The following NECAB2 variants were observed in gnomAD, a reference collection of about 807,000 sequenced individuals.
NECAB2 encodes N-terminal EF-hand calcium-binding protein 2.
NECAB2 carries 68 observed loss-of-function variants against 51.9 expected under a neutral mutation model. The observed-to-expected ratio is 1.31, with a 90% CI of 1.08 to 1.60. The LOEUF (loss-of-function observed/expected upper bound fraction) is 1.60, where lower values mean the gene tolerates loss of function less well. Ranked by LOEUF, NECAB2 falls within the 40% of genes most tolerant of loss-of-function variation. The probability of loss-of-function intolerance (pLI) is 0.00; values close to 1 mark genes in which losing one functional copy is unlikely to be tolerated. For missense variants in NECAB2, 854 were observed against 490.3 expected, an observed-to-expected ratio of 1.74 and a Z score of -7.00; for synonymous variants, 329 against 203.5, an observed-to-expected ratio of 1.62 and a Z score of -5.25.
chr16:83,978,840 G>A (rs1252443960), intron 3 of NECAB2, among the ~76,000 whole-genome samples: 1 of 151,970 alleles, frequency 6.6e-6, no homozygotes, highest in African/African-American at 2.4e-5. Flanking sequence ...TGGGAAGGTG[G>A]CAATGACTTC....
chr16:83,981,265 T>C (rs1597205670), intron 5 of NECAB2, 138 bp downstream of exon 5: 8 of 701,948 alleles, frequency 1.1e-5, no homozygotes, highest in South Asian at 6.9e-5. Context: ...CTGGGCCTCT[T>C]TGAAGCAGCT....
intron 6 of NECAB2, among the ~76,000 whole-genome samples, chr16:83,992,732 A>G (rs2084642508): frequency 6.6e-6 from 1 of 152,146 alleles, no homozygotes; most frequent in Non-Finnish European, 1.5e-5. Flanking sequence ...ATTAAAATAC[A>G]CATTCCTGGG....
intron 2 of NECAB2, among the ~76,000 whole-genome samples, chr16:83,976,375 A>G (rs1054515352): frequency 6.6e-6 from 1 of 152,196 alleles, no homozygotes; most frequent in Admixed American, 6.5e-5. Flanking sequence ...TCTAACATGG[A>G]AGTGGTAGTA....
Position 84,000,801 on chromosome 16 carries a change from G to C in NECAB2, c.1040G>C (p.Arg347Thr), listed in dbSNP as rs1436304850. 4 of 1,613,524 alleles carry C rather than the reference G, an allele frequency of 2.5e-6. No individual in the cohort carries two copies. The highest frequency in any genetic ancestry group is 1.7e-5 in the Admixed American group (1 of 60,018). The change falls in exon 11 of 13, where the codon AGG (arginine) becomes ACG (threonine). Residue 347 changes from arginine to threonine, a missense_variant and splice_region_variant. Coordinates refer to ENST00000305202, the MANE Select transcript of NECAB2 (RefSeq NM_019065.3). ...EFWETEEAWK[R>T]HLQSPLCKAF... ...TGGGAGACAGAGGAGGCGTGGAAGA[G>C]GTGAGATGCTGGGTCCCCACAGCAG...
Position 83,994,631 on chromosome 16 carries a change from G to A in NECAB2, c.738G>A (p.Glu246=), listed in dbSNP as rs770061121. ...CAGCCACGGAGGATGCAAAGGAAGA[G>A]GGTCTGGAAGCCCAGATCAGCCGCT... The part of the protein sequence containing the change: ...LPSATEDAKE[E]GLEAQISRLA... The change falls in exon 8 of 13, where the codon GAG becomes GAA. Residue 246 remains glutamate (E), a synonymous_variant. Coordinates refer to ENST00000305202, the MANE Select transcript of NECAB2 (RefSeq NM_019065.3). 1 of 1,614,162 alleles carries A rather than the reference G, an allele frequency of 6.2e-7. No homozygotes were observed. Among genetic ancestry groups the A allele is most frequent in the Non-Finnish European group, 8.5e-7 (1 of 1,180,046 alleles).
chr16:83,999,731 TGCAGCCCCTTCCTCTGTGGCCCA>T (rs900914935), intron 10 of NECAB2, among the ~76,000 whole-genome samples: 8 of 152,208 alleles, frequency 5.3e-5, no homozygotes, highest in South Asian at 2.1e-4. Flanking sequence ...GGGACTTGCC[TGCAGCCCCTTCCTCTGTGGCCCA>T]GCACCCCCTC....
intron 5 of NECAB2, among the ~76,000 whole-genome samples, chr16:83,989,726 C>G (rs1170608108): frequency 6.6e-6 from 1 of 152,210 alleles, no homozygotes; most frequent in Non-Finnish European, 1.5e-5. Context: ...AGCATCTCCA[C>G]TGGATCCAAA....
At chr16:83,984,859 G>A (rs1204220721) in intron 5 of NECAB2, among the ~76,000 whole-genome samples, 1 of 152,062 alleles carries the variant, frequency 6.6e-6, no homozygotes, top group Non-Finnish European at 1.5e-5. Flanking sequence ...CAAGCTCCTG[G>A]CACATTTATT....
Position 83,998,300 on chromosome 16 carries a change from C to T in NECAB2, c.945C>T (p.Gly315=), listed in dbSNP as rs35389907. ...SLRQYLRGTT[G]VRNCFHITAV... The stretch of plus-strand genomic sequence containing the variant: ...GCCAGTATCTGCGGGGGACCACTGG[C>T]GTGAGGAACTGCTTCCAGTGAGTGA... Residue 315 remains glycine, a synonymous_variant, in exon 10 of 13, where the codon GGC becomes GGT. Transcript: ENST00000305202. 4.1e-3 allele frequency: 6,549 copies of T among 1,613,420 alleles called. 27 individuals are homozygous for T. The highest frequency in any genetic ancestry group is 0.012 in the African/African-American group (922 of 75,006).
chr16:83,969,457 C>A (rs2151082957), intron 1 of NECAB2, among the ~76,000 whole-genome samples: 1 of 152,176 alleles, frequency 6.6e-6, no homozygotes, highest in Non-Finnish European at 1.5e-5. Context: ...TGAGCTGGTA[C>A]CCCTCTGGTC....
chr16:83,976,349 C>T (rs1440022979), intron 2 of NECAB2, among the ~76,000 whole-genome samples: 1 of 152,208 alleles, frequency 6.6e-6, no homozygotes, highest in Non-Finnish European at 1.5e-5. Flanking sequence ...GGGCTCTGTG[C>T]CTCAGTTTAC....
rs140134863 is a variant in NECAB2, at chr16:84,000,777, G to A, written c.1016G>A (p.Trp339Ter). The A allele has an allele frequency of 3.1e-6, 5 of 1,613,610 alleles. No individual in the cohort carries two copies. Among genetic ancestry groups the A allele is most frequent in the Non-Finnish European group, 4.2e-6 (5 of 1,179,964 alleles). The change falls in exon 11 of 13, where the codon TGG becomes TAG. Residue 339 changes from tryptophan to a stop codon, truncating the protein, a stop_gained. Coordinates refer to ENST00000305202, the MANE Select transcript of NECAB2 (RefSeq NM_019065.3). LOFTEE classifies it high-confidence loss of function. Reference sequence around the variant, plus strand: ...TTCACCTTTGTCATCTATGAGTTCTGGGAGACAGAGGAGGCGTGGAAGAGG... The same window carrying A: ...TTCACCTTTGTCATCTATGAGTTCTAGGAGACAGAGGAGGCGTGGAAGAGG... ...DGFTFVIYEF[W>*]ETEEAWKRHL...
intron 6 of NECAB2, 40 bp downstream of exon 6, chr16:83,990,670 CCGTGCA>C (rs2084612114): frequency 6.2e-7 from 1 of 1,608,248 alleles, no homozygotes; most frequent in East Asian, 2.2e-5. Flanking sequence ...TGGGGGTATG[CCGTGCA>C]CGCGCACGTG....
chr16:83,988,494 C>G (rs887602080), intron 5 of NECAB2, among the ~76,000 whole-genome samples: 4 of 152,156 alleles, frequency 2.6e-5, no homozygotes, highest in Admixed American at 6.5e-5. Flanking sequence ...TTGACTAAAT[C>G]CAATATAGTT....
At chr16:83,972,354 A>T (rs1017057536) in intron 2 of NECAB2, among the ~76,000 whole-genome samples, 179 bp downstream of exon 2, 1 of 152,154 alleles carries the variant, frequency 6.6e-6, no homozygotes, top group Non-Finnish European at 1.5e-5. Flanking sequence ...CTGTCTGTAA[A>T]ACGGGAATCC....
rs758056263 is a variant in NECAB2, at chr16:83,980,284, C to T, written c.336-555C>T. On this transcript the variant is annotated intron_variant, in intron 3 of 12. Coordinates refer to ENST00000305202, the MANE Select transcript of NECAB2 (RefSeq NM_019065.3). Reference sequence around the variant, plus strand: ...AGCACTGCACCCCTTATCTTGGGGCCGGTCTGTGCTCCTTCACTGCCATGG... The same window carrying T: ...AGCACTGCACCCCTTATCTTGGGGCTGGTCTGTGCTCCTTCACTGCCATGG... Among the ~76,000 whole-genome samples, 162 of 152,304 alleles carry T rather than the reference C, an allele frequency of 1.1e-3. 2 individuals carry two copies. Among genetic ancestry groups the T allele is most frequent in the Non-Finnish European group, 2.1e-3 (143 of 68,028 alleles).
At chr16:83,974,521 C>T (rs1421691539) in intron 2 of NECAB2, among the ~76,000 whole-genome samples, 1 of 152,168 alleles carries the variant, frequency 6.6e-6, no homozygotes, top group Non-Finnish European at 1.5e-5. Flanking sequence ...AGGCTGCCAG[C>T]AGTCACTGAA....
intron 10 of NECAB2, among the ~76,000 whole-genome samples, chr16:83,999,099 C>T (rs1567679619): frequency 6.6e-6 from 1 of 152,194 alleles, no homozygotes; most frequent in Non-Finnish European, 1.5e-5. Flanking sequence ...CAGGCCAGGT[C>T]CTAGCACAGG....
At chr16:83,976,265 G>C (rs962362981) in intron 2 of NECAB2, among the ~76,000 whole-genome samples, 5 of 152,202 alleles carry the variant, frequency 3.3e-5, no homozygotes, top group Non-Finnish European at 7.4e-5. Flanking sequence ...CCTGGATTAG[G>C]TTGAGAGCCT....
Sources: allele counts gnomAD v4.1 joint callset (sites outside exome capture counted in the v4.1 genomes callset), GRCh38; gene constraint gnomAD v4.1.1; transcripts MANE v1.5; gene names NCBI Gene and HGNC (gene_info 2026-07-23, HGNC 2026-07-21).